PCOLCE2: variants seen among roughly 807,000 people sequenced by gnomAD.
The protein encoded by PCOLCE2 is procollagen C-endopeptidase enhancer 2.
In PCOLCE2, 42 loss-of-function variants were observed where a neutral mutation model predicts 47.0. The observed-to-expected ratio is 0.89, with a 90% confidence interval of 0.70 to 1.16. The LOEUF (loss-of-function observed/expected upper bound fraction) is 1.16, where lower values mean the gene tolerates loss of function less well. Ranked by LOEUF, PCOLCE2 falls within the 50% of genes most tolerant of loss-of-function variation. The pLI is 0.00. For missense variants in PCOLCE2, 500 were observed against 526.1 expected (o/e 0.95, Z 0.49); for synonymous variants, 169 against 191.7 (o/e 0.88, Z 0.98).
chr3:142,852,210 G>A (rs1336612968), intron 2 of PCOLCE2, among the ~76,000 whole-genome samples: 1 of 152,174 alleles, frequency 6.6e-6, no homozygotes, highest in African/African-American at 2.4e-5. Context: ...AGCCTTTTCA[G>A]TATGACACAA....
At chr3:142,826,959 ATCTCCGCGCC>A in intron 6 of PCOLCE2, 2 of 503,002 alleles carry the variant, frequency 4.0e-6, no homozygotes, top group Non-Finnish European at 7.1e-6. Flanking sequence ...TAGAGGGTTA[ATCTCCGCGCC>A]TCTCCTCCTC....
At chr3:142,853,474 A>G (rs560639366) in intron 2 of PCOLCE2, among the ~76,000 whole-genome samples, 5 of 152,310 alleles carry the variant, frequency 3.3e-5, no homozygotes, top group African/African-American at 1.2e-4. Context: ...TCACTGTTGC[A>G]TCCCCAGGAT....
chr3:142,821,163 G>A (rs1377693494), intron 7 of PCOLCE2, 118 bp from the exon 8 acceptor site: 1 of 763,026 alleles, frequency 1.3e-6, no homozygotes, highest in Non-Finnish European at 2.1e-6. Flanking sequence ...TTAAAGAAAA[G>A]GCCCTCATAG....
intron 2 of PCOLCE2, among the ~76,000 whole-genome samples, chr3:142,883,211 A>C (rs906431954): frequency 1.3e-5 from 2 of 151,454 alleles, no homozygotes; most frequent in African/African-American, 4.8e-5. Context: ...AAAAAAAAAA[A>C]AAAAAAAAGG....
intron 5 of PCOLCE2, among the ~76,000 whole-genome samples, chr3:142,835,503 C>A (rs1477901224): frequency 6.6e-6 from 1 of 152,040 alleles, no homozygotes; most frequent in Non-Finnish European, 1.5e-5. Context: ...CAACATATAA[C>A]TGGATTTTGT....
chr3:142,856,112 G>C (rs1933054082), intron 2 of PCOLCE2, among the ~76,000 whole-genome samples: 3 of 152,288 alleles, frequency 2.0e-5, no homozygotes, highest in Admixed American at 6.5e-5. Flanking sequence ...GCCAACACAG[G>C]CTGTGTGAAT....
intron 2 of PCOLCE2, among the ~76,000 whole-genome samples, chr3:142,870,295 C>T (rs958010533): frequency 3.3e-5 from 5 of 152,044 alleles, no homozygotes; most frequent in Admixed American, 1.3e-4. Flanking sequence ...GTTAGGTTGA[C>T]GGATAGATCA....
At chr3:142,874,548 T>C (rs146029109) in intron 2 of PCOLCE2, among the ~76,000 whole-genome samples, 32,134 of 152,252 alleles carry the variant, frequency 0.21, 4,498 homozygotes, top group Non-Finnish European at 0.31. Flanking sequence ...TCTCAGGTAG[T>C]TTTTTATAGC....
rs1310660943 is a variant in PCOLCE2 at position 142,848,323 on chromosome 3, G to A, written c.342C>T (p.Ala114=). ...TCATCTTGTTGCCACTGGACACAAG[G>A]GCTCCAGGCCGGAAAGTGCCACAGA... ...GRFCGTFRPG[A]LVSSGNKMMV... is the part of the protein sequence containing the mutation. The change falls in exon 3 of 9, where the codon GCC becomes GCT. Residue 114 remains alanine, a synonymous_variant. Coordinates refer to ENST00000295992, the MANE Select transcript of PCOLCE2 (RefSeq NM_013363.4). The A allele has an allele frequency of 6.2e-7, 1 of 1,614,208 alleles. No homozygotes were observed. The highest frequency in any genetic ancestry group is 2.2e-5 in the East Asian group (1 of 44,880).
chr3:142,874,679 T>A (rs1440213509), intron 2 of PCOLCE2, among the ~76,000 whole-genome samples: 1 of 152,254 alleles, frequency 6.6e-6, no homozygotes. Context: ...GATGGAGCTA[T>A]GAATTGATTA....
At chr3:142,821,427 C>T (rs181383726) in intron 7 of PCOLCE2, among the ~76,000 whole-genome samples, 3 of 152,242 alleles carry the variant, frequency 2.0e-5, no homozygotes, top group East Asian at 1.9e-4. Flanking sequence ...GGCAGTACCA[C>T]GCTAAAAGAT....
intron 7 of PCOLCE2, 146 bp from the exon 8 acceptor site, chr3:142,821,191 C>A: frequency 1.6e-6 from 1 of 639,312 alleles, no homozygotes; most frequent in Non-Finnish European, 2.7e-6. Context: ...ACATTTGCTT[C>A]TGTACATTTG....
chr3:142,872,984 T>C (rs1933424137), intron 2 of PCOLCE2, among the ~76,000 whole-genome samples: 1 of 152,248 alleles, frequency 6.6e-6, no homozygotes, highest in South Asian at 2.1e-4. Context: ...TTTTATTTAA[T>C]GTTATAAATG....
chr3:142,827,022 G>T, intron 6 of PCOLCE2: 2 of 793,940 alleles, frequency 2.5e-6, no homozygotes, highest in Non-Finnish European at 4.1e-6. Context: ...CTTGATCATT[G>T]TTTCAACTAT....
intron 2 of PCOLCE2, among the ~76,000 whole-genome samples, chr3:142,865,892 A>T (rs1426403061): frequency 6.6e-6 from 1 of 152,210 alleles, no homozygotes; most frequent in Non-Finnish European, 1.5e-5. Flanking sequence ...TATGTTGTTA[A>T]GTATCACCAT....
At chr3:142,866,399 T>A (rs75497882) in intron 2 of PCOLCE2, among the ~76,000 whole-genome samples, 10,537 of 152,190 alleles carry the variant, frequency 0.069, 400 homozygotes, top group African/African-American at 0.1. Context: ...CTTGGACTGA[T>A]TTACACCACC....
At chr3:142,841,029 C>A (rs139119629) in intron 4 of PCOLCE2, among the ~76,000 whole-genome samples, 1 of 148,976 alleles carries the variant, frequency 6.7e-6, no homozygotes, top group Non-Finnish European at 1.5e-5. Flanking sequence ...GAGCCGAAAT[C>A]GCACCACTGC....
At position 142,823,446 on chromosome 3, in the gene PCOLCE2, C is replaced by T. The variant is rs563998708; in HGVS notation, c.949+86G>A. On this transcript the variant is annotated intron_variant, in intron 7 of 8. Coordinates refer to ENST00000295992, the MANE Select transcript of PCOLCE2 (RefSeq NM_013363.4). The stretch of plus-strand genomic sequence containing the variant: ...ATGAGCAGCGTTATTGACCCTTCAC[C>T]ATAAATTCATAGGAATTCCTTTGAG... The T allele has an allele frequency of 6.2e-6, 5 of 801,184 alleles. No homozygotes were observed. In the South Asian group the frequency reaches 7.9e-5, roughly 13 times the overall value. The allele number at this position is 801,184 out of a possible 1,614,324, so 49.6% of individuals were successfully genotyped here. A position where few individuals can be genotyped will look rare whatever the true frequency, so the allele number is the denominator to read the frequency against.
chr3:142,875,224 C>T (rs77800431), intron 2 of PCOLCE2, among the ~76,000 whole-genome samples: 1 of 152,076 alleles, frequency 6.6e-6, no homozygotes, highest in African/African-American at 2.4e-5. Context: ...TTAAACAAGG[C>T]GTAAGTTGTA....
Sources: allele counts gnomAD v4.1 joint callset (sites outside exome capture counted in the v4.1 genomes callset), GRCh38; gene constraint gnomAD v4.1.1; transcripts MANE v1.5; gene names NCBI Gene and HGNC (gene_info 2026-07-23, HGNC 2026-07-21).